ADGRB3: variants seen among roughly 807,000 people sequenced by gnomAD.
ADGRB3 encodes brain-specific angiogenesis inhibitor 3.
A neutral mutation model predicts 193.4 loss-of-function variants in ADGRB3; 37 were observed. The observed-to-expected ratio is 0.19, with a 90% CI of 0.15 to 0.25. The LOEUF (loss-of-function observed/expected upper bound fraction) is 0.25. ADGRB3 is among the 10% of genes least tolerant of loss of function. The pLI, the probability that ADGRB3 is intolerant of heterozygous loss-of-function variation, is 1.00. For synonymous variants in ADGRB3, 690 were observed against 644.2 expected (o/e 1.07, Z -1.08); for missense variants, 1,637 against 1,852.9 (o/e 0.88, Z 2.14).
chr6:68,804,080 C>T (rs1217164581), intron 3 of ADGRB3, among the ~76,000 whole-genome samples: 1 of 152,146 alleles, frequency 6.6e-6, no homozygotes, highest in East Asian at 1.9e-4. Context: ...CCAATCATTT[C>T]ACTCTCTTTG....
chr6:69,227,007 C>T (rs953137699), intron 17 of ADGRB3, among the ~76,000 whole-genome samples: 1 of 152,134 alleles, frequency 6.6e-6, no homozygotes, highest in African/African-American at 2.4e-5. Context: ...TAATAGACTC[C>T]GTCTCTTGAT....
intron 3 of ADGRB3, among the ~76,000 whole-genome samples, chr6:68,694,455 T>C (rs1340973911): frequency 2.6e-5 from 4 of 151,942 alleles, no homozygotes; most frequent in Non-Finnish European, 4.4e-5. Context: ...GGGTAACTAG[T>C]ATCAAGGCAC....
In ADGRB3 at chr6:69,206,806, T is replaced by C. The variant is rs901025595; in HGVS notation, c.2481-26484T>C. Reference sequence around the variant, plus strand: ...ATTGATGACTACCTTCTACTACCCATTCTGTATTCCCTTTGCCTTTAGCAA... The same window carrying C: ...ATTGATGACTACCTTCTACTACCCACTCTGTATTCCCTTTGCCTTTAGCAA... On this transcript the variant is annotated intron_variant, in intron 17 of 31. Coordinates refer to ENST00000370598, the MANE Select transcript of ADGRB3 (RefSeq NM_001704.3). 2.0e-5 allele frequency among the ~76,000 whole-genome samples: 3 copies of C among 152,190 alleles called. No homozygotes were observed. In the South Asian group the frequency reaches 6.2e-4, roughly 32 times the overall value.
intron 3 of ADGRB3, among the ~76,000 whole-genome samples, chr6:68,794,935 G>C (rs1425539772): frequency 6.6e-6 from 1 of 152,016 alleles, no homozygotes; most frequent in Non-Finnish European, 1.5e-5. Flanking sequence ...ATAAATCAGA[G>C]TATTTTTGAT....
intron 17 of ADGRB3, among the ~76,000 whole-genome samples, chr6:69,110,561 A>G (rs1308846890): frequency 1.3e-5 from 2 of 152,236 alleles, no homozygotes; most frequent in East Asian, 1.9e-4. Context: ...TGAGTATGAA[A>G]TTGAATCCTT....
intron 17 of ADGRB3, among the ~76,000 whole-genome samples, chr6:69,118,724 CA>C (rs1773601332): frequency 7.2e-6 from 1 of 139,092 alleles, no homozygotes; most frequent in Non-Finnish European, 1.6e-5. Context: ...GTACAAGAAA[CA>C]TAAAAAGAAG....
intron 17 of ADGRB3, among the ~76,000 whole-genome samples, chr6:69,148,255 G>A (rs559176263): frequency 9.5e-4 from 144 of 151,736 alleles, no homozygotes; most frequent in African/African-American, 3.4e-3. Flanking sequence ...TTTTTCTGAT[G>A]GTATTTTAAA....
At chr6:68,788,858 TA>T (rs1767033976) in intron 3 of ADGRB3, among the ~76,000 whole-genome samples, 1 of 152,234 alleles carries the variant, frequency 6.6e-6, no homozygotes, top group Non-Finnish European at 1.5e-5. Context: ...TGCATATACA[TA>T]TAGGATAGTT....
chr6:69,206,045 G>GTATATATTTATATATATATACA (rs1554169619), intron 17 of ADGRB3, among the ~76,000 whole-genome samples: 34 of 99,926 alleles, frequency 3.4e-4, no homozygotes, highest in African/African-American at 1.3e-3. Flanking sequence ...TATAATAATG[G>GTATATATTTATATATATATACA]TATATATATA....
intron 3 of ADGRB3, among the ~76,000 whole-genome samples, chr6:68,795,271 A>G (rs1351058931): frequency 9.2e-5 from 14 of 152,110 alleles, no homozygotes; most frequent in Admixed American, 9.2e-4. Context: ...TTTCTAAAAA[A>G]AAAGAAGAAA....
intron 20 of ADGRB3, among the ~76,000 whole-genome samples, chr6:69,297,392 A>ATCTCTCTC (rs375206329): frequency 8.8e-6 from 1 of 113,302 alleles, no homozygotes; most frequent in East Asian, 2.9e-4. Flanking sequence ...CTCTCTCTCT[A>ATCTCTCTC]TCTCTCTCTC....
In ADGRB3 at chr6:68,700,556, T is replaced by C. The variant is rs1300087371; in HGVS notation, c.757+61124T>C. On this transcript the variant is annotated intron_variant, in intron 3 of 31. Transcript: ENST00000370598. ...TCAGTGTTATTTTATTTGTAATGTG[T>C]TTTCCCTTTATCCATCATAATTAAA... Among the ~76,000 whole-genome samples the C allele has an allele frequency of 2.6e-5, 4 of 152,056 alleles. No homozygotes were observed. The East Asian group carries it at 7.7e-4, about 29-fold the overall frequency.
chr6:69,343,218 T>C (rs553756904), intron 26 of ADGRB3, among the ~76,000 whole-genome samples: 1 of 151,536 alleles, frequency 6.6e-6, no homozygotes, highest in South Asian at 2.1e-4. Context: ...AGTTTTAGGG[T>C]ACATGTGCAC....
chr6:69,344,131 A>G (rs2127322275), intron 26 of ADGRB3, among the ~76,000 whole-genome samples: 1 of 152,294 alleles, frequency 6.6e-6, no homozygotes, highest in East Asian at 1.9e-4. Flanking sequence ...ATACAAAACA[A>G]GCTACAATAA....
intron 3 of ADGRB3, among the ~76,000 whole-genome samples, chr6:68,848,012 T>C (rs1383402997): frequency 6.6e-6 from 1 of 151,080 alleles, no homozygotes; most frequent in African/African-American, 2.4e-5. Context: ...AAAAAAGACG[T>C]CAACATAAAA....
At chr6:69,029,236 T>A (rs1770538685) in intron 13 of ADGRB3, among the ~76,000 whole-genome samples, 1 of 152,228 alleles carries the variant, frequency 6.6e-6, no homozygotes, top group South Asian at 2.1e-4. Context: ...ACCATTTGTT[T>A]TCTTTTGTGC....
At chr6:68,851,273 C>T (rs1375468396) in intron 3 of ADGRB3, among the ~76,000 whole-genome samples, 2 of 151,800 alleles carry the variant, frequency 1.3e-5, no homozygotes, top group Non-Finnish European at 3.0e-5. Flanking sequence ...GTTTCTCTGC[C>T]TCTCTAGCTG....
chr6:69,156,258 C>A (rs896148334), intron 17 of ADGRB3, among the ~76,000 whole-genome samples: 1 of 152,014 alleles, frequency 6.6e-6, no homozygotes, highest in African/African-American at 2.4e-5. Flanking sequence ...GTGAAGGAAA[C>A]AGAGCAAGAT....
intron 28 of ADGRB3, 95 bp downstream of exon 28, chr6:69,355,955 A>G: frequency 2.7e-6 from 3 of 1,095,566 alleles, no homozygotes; most frequent in South Asian, 1.5e-5. Context: ...TTTACACATT[A>G]CATATTGTTC....
Sources: gnomAD v4.1 joint callset for allele counts (sites outside exome capture counted in the v4.1 genomes callset) on GRCh38, gnomAD v4.1.1 for gene constraint, MANE v1.5 for transcripts, NCBI Gene and HGNC (gene_info 2026-07-23, HGNC 2026-07-21) for gene names.